SLC24A3: variants seen among roughly 807,000 people sequenced by gnomAD.
The protein encoded by SLC24A3 is solute carrier family 24 member 3, also known as sodium/potassium/calcium exchanger 3.
In SLC24A3, 28 loss-of-function variants were observed where a neutral mutation model predicts 75.8. The observed-to-expected ratio is 0.37, with a 90% CI of 0.27 to 0.51. The LOEUF (loss-of-function observed/expected upper bound fraction) is 0.51, where lower values mean the gene tolerates loss of function less well. Among genes scored for constraint, SLC24A3 ranks in the 20% least tolerant of loss-of-function variants. The pLI is 0.94. For missense variants in SLC24A3, 663 were observed against 847.8 expected, an observed-to-expected ratio of 0.78 and a Z score of 2.71; for synonymous variants, 372 against 334.1, an observed-to-expected ratio of 1.11 and a Z score of -1.24.
chr20:19,550,297 A>G (rs1389720645), intron 3 of SLC24A3, among the ~76,000 whole-genome samples: 1 of 152,212 alleles, frequency 6.6e-6, no homozygotes, highest in East Asian at 1.9e-4. Context: ...ATTAAAAAAA[A>G]TTAGAGGAAA....
chr20:19,418,577 A>T (rs1355729404), intron 2 of SLC24A3, among the ~76,000 whole-genome samples: 1 of 151,998 alleles, frequency 6.6e-6, no homozygotes, highest in Non-Finnish European at 1.5e-5. Flanking sequence ...GAAATTATCA[A>T]AGAAAAATAC....
chr20:19,500,936 C>G (rs1245358298), intron 2 of SLC24A3, among the ~76,000 whole-genome samples: 5 of 152,182 alleles, frequency 3.3e-5, no homozygotes, highest in Non-Finnish European at 7.3e-5. Flanking sequence ...ACATCATGAC[C>G]AAGGTTATTA....
chr20:19,544,862 T>TA (rs1205288361), intron 3 of SLC24A3, among the ~76,000 whole-genome samples: 3 of 152,058 alleles, frequency 2.0e-5, no homozygotes, highest in African/African-American at 7.2e-5. Flanking sequence ...CAAGCAATAG[T>TA]AAAGCATGGC....
chr20:19,563,491 C>A (rs2030909500), intron 3 of SLC24A3, among the ~76,000 whole-genome samples: 1 of 152,142 alleles, frequency 6.6e-6, no homozygotes, highest in Admixed American at 6.5e-5. Context: ...AGGCTTATTT[C>A]TATACACACT....
chr20:19,282,734 C>T (rs766576198), intron 2 of SLC24A3, among the ~76,000 whole-genome samples: 2 of 152,186 alleles, frequency 1.3e-5, no homozygotes, highest in Non-Finnish European at 2.9e-5. Context: ...CAGCTCTGAG[C>T]ATTAGGTTCA....
chr20:19,345,991 A>T (rs1985387191), intron 2 of SLC24A3, among the ~76,000 whole-genome samples: 1 of 144,610 alleles, frequency 6.9e-6, no homozygotes, highest in South Asian at 2.2e-4. Context: ...ATGCATGTTT[A>T]TAGCAGCACA....
chr20:19,484,249 A>C (rs555036023), intron 2 of SLC24A3, among the ~76,000 whole-genome samples: 33 of 152,292 alleles, frequency 2.2e-4, no homozygotes, highest in African/African-American at 7.7e-4. Context: ...TCTAAACATA[A>C]AATTCATTTA....
rs993161083 is a variant in SLC24A3 at position 19,285,677 on chromosome 20, C to A, written c.271+4590C>A. Among the ~76,000 whole-genome samples the A allele has an allele frequency of 6.7e-5, 10 of 149,802 alleles. No individual in the cohort carries two copies. In the South Asian group the frequency reaches 1.9e-3, roughly 28 times the overall value. On this transcript the variant is annotated intron_variant, in intron 2 of 16. Coordinates refer to ENST00000328041, the MANE Select transcript of SLC24A3 (RefSeq NM_020689.4). ...TTAAGGTTGTTTTCTTAGCCTGACA[C>A]TGCCGACTTCATCTGAAGCCTGGAA...
chr20:19,319,291 G>A (rs1036003840), intron 2 of SLC24A3, among the ~76,000 whole-genome samples: 5 of 152,202 alleles, frequency 3.3e-5, no homozygotes, highest in Non-Finnish European at 5.9e-5. Context: ...TACTTAAAAA[G>A]TGTATCTCAA....
At chr20:19,332,109 G>T (rs142490022) in intron 2 of SLC24A3, among the ~76,000 whole-genome samples, 1 of 152,224 alleles carries the variant, frequency 6.6e-6, no homozygotes, top group Non-Finnish European at 1.5e-5. Flanking sequence ...GACCATCTAA[G>T]GTCTTGTCTG....
At chr20:19,311,368 C>T (rs1278449874) in intron 2 of SLC24A3, among the ~76,000 whole-genome samples, 1 of 152,138 alleles carries the variant, frequency 6.6e-6, no homozygotes, top group Non-Finnish European at 1.5e-5. Flanking sequence ...GGTCACTCAA[C>T]AGCCCCATGC....
chr20:19,599,681 G>T (rs143419297), intron 6 of SLC24A3, among the ~76,000 whole-genome samples: 1 of 152,282 alleles, frequency 6.6e-6, no homozygotes, highest in African/African-American at 2.4e-5. Flanking sequence ...ATTTAGCAGG[G>T]ATTGAAATGT....
intron 2 of SLC24A3, among the ~76,000 whole-genome samples, chr20:19,380,608 G>A (rs1262110198): frequency 2.0e-5 from 3 of 152,090 alleles, no homozygotes; most frequent in Non-Finnish European, 4.4e-5. Flanking sequence ...GGGGGCTCTT[G>A]GCTGATTTAG....
intron 12 of SLC24A3, among the ~76,000 whole-genome samples, chr20:19,689,195 G>A (rs6046249): frequency 0.35 from 52,445 of 151,992 alleles, 9,862 homozygotes; most frequent in African/African-American, 0.49. Flanking sequence ...TGTTTTTTCT[G>A]TATTTTTTAC....
At chr20:19,260,198 G>A (rs1472744404) in intron 1 of SLC24A3, among the ~76,000 whole-genome samples, 1 of 152,094 alleles carries the variant, frequency 6.6e-6, no homozygotes, top group Non-Finnish European at 1.5e-5. Context: ...GGCTGACATT[G>A]GGCTAATTGT....
rs1441783461 is a variant in SLC24A3, at chr20:19,324,172, T to TGG, written c.271+43085_271+43086insGG. ...CCAAGCCATTAAATAATTCTTCCTG[T>TGG]TTCAGTCATGTGAAATCTCCTGGCT... On this transcript the variant is annotated intron_variant, in intron 2 of 16. Transcript: ENST00000328041. Among the ~76,000 whole-genome samples, 5 of 152,302 alleles carry TGG rather than the reference T, an allele frequency of 3.3e-5. No homozygotes were observed. The East Asian group carries it at 9.7e-4, about 29-fold the overall frequency.
rs560490201 is a variant in SLC24A3 at position 19,611,169 on chromosome 20, A to G, written c.612+25625A>G. On this transcript the variant is annotated intron_variant, in intron 6 of 16. Transcript: ENST00000328041. ...CCTCACAGAAGGAACCCCATGGGGA[A>G]GGTCTCATCAATGCACTCAACAATG... is the stretch of plus-strand genomic sequence containing the variant. Among the ~76,000 whole-genome samples the G allele has an allele frequency of 5.6e-4, 85 of 152,310 alleles. 2 individuals are homozygous for G. Among genetic ancestry groups the G allele is most frequent in the South Asian group, 5.0e-3 (24 of 4,824 alleles).
chr20:19,285,476 TCAAA>T (rs1880375012), intron 2 of SLC24A3, among the ~76,000 whole-genome samples: 1 of 26,972 alleles, frequency 3.7e-5, no homozygotes, highest in African/African-American at 1.5e-4. Context: ...AGACCCTGTC[TCAAA>T]AAAAAAAAAA....
chr20:19,494,346 A>G (rs1165388616), intron 2 of SLC24A3, among the ~76,000 whole-genome samples: 1 of 152,206 alleles, frequency 6.6e-6, no homozygotes, highest in East Asian at 1.9e-4. Flanking sequence ...GGCTCCATCT[A>G]GCAGATCTAC....
Sources: allele counts gnomAD v4.1 joint callset (sites outside exome capture counted in the v4.1 genomes callset), GRCh38; gene constraint gnomAD v4.1.1; transcripts MANE v1.5; gene names NCBI Gene and HGNC (gene_info 2026-07-23, HGNC 2026-07-21).